Variants in HEMK1 observed in about 807,000 individuals in gnomAD.
HEMK1 encodes HemK methyltransferase 1, mitochondrial release factors N(5)-glutamine, also known as MTRF1L release factor glutamine methyltransferase.
Under a neutral mutation model 47.9 loss-of-function variants are expected in HEMK1, and 36 were observed. The ratio of observed to expected loss-of-function variants is 0.75; its 90% CI spans 0.58 to 0.99. The LOEUF (loss-of-function observed/expected upper bound fraction) is 0.99. Ranked by LOEUF, HEMK1 falls within the 50% of genes least tolerant of loss-of-function variation. HEMK1 has a pLI of 0.00. For synonymous variants in HEMK1, 153 were observed against 165.4 expected (o/e 0.93, Z 0.57); for missense variants, 383 against 434.5 (o/e 0.88, Z 1.05).
chr3:50,577,423 G>A (rs1284926259), intron 5 of HEMK1, 86 bp from the exon 6 acceptor site: 1 of 1,317,098 alleles, frequency 7.6e-7, no homozygotes, highest in Non-Finnish European at 1.1e-6. Flanking sequence ...TCTGGTGGGG[G>A]GTTGGAGGAG....
rs2031040110 is a variant in HEMK1, at chr3:50,583,383, G to A, written c.*2966G>A. 1 of 152,168 alleles carries A rather than the reference G, an allele frequency of 6.6e-6. No homozygotes were observed. Among genetic ancestry groups the A allele is most frequent in the Non-Finnish European group, 1.5e-5 (1 of 68,062 alleles). 9.4% of individuals were successfully genotyped at this position (152,168 alleles called of 1,614,324 possible). Reference sequence around the variant, plus strand: ...CAATCCTTGCCCCAAACACTTAGCTGGCTCCCCATGACTTAAGTGTGTTCT... The same window carrying A: ...CAATCCTTGCCCCAAACACTTAGCTAGCTCCCCATGACTTAAGTGTGTTCT... On this transcript the variant is annotated 3_prime_UTR_variant, in exon 11 of 11. Coordinates refer to ENST00000232854, the MANE Select transcript of HEMK1 (RefSeq NM_016173.5).
chr3:50,577,117 C>T lies in HEMK1; in HGVS notation c.480C>T (p.Ser160=), dbSNP rs369125363. The T allele has an allele frequency of 1.7e-5, 28 of 1,613,668 alleles. No individual in the cohort carries two copies. Among genetic ancestry groups the T allele is most frequent in the African/African-American group, 2.7e-5 (2 of 74,918 alleles). The change falls in exon 5 of 11, where the codon AGC becomes AGT. Residue 160 remains serine (S), a synonymous_variant. Coordinates refer to ENST00000232854, the MANE Select transcript of HEMK1 (RefSeq NM_016173.5). ...QRSHAVGSPG[S]PLILEVGCGS... is the part of the protein sequence containing the mutation. ...CCCATGCTGTGGGATCCCCAGGCAGCCCCCTCATTCTGGAGGTGGGCTGCG... is the reference window on the plus strand; with the variant it reads ...CCCATGCTGTGGGATCCCCAGGCAGTCCCCTCATTCTGGAGGTGGGCTGCG...
In HEMK1 at chr3:50,596,144, T is replaced by C. The variant is rs1459531684; in HGVS notation, c.*15727T>C. ...GTATCACAAACATACAAGTGATCAA[T>C]TTCCAATAAATTGATTAAAGAATTC... On this transcript the variant is annotated 3_prime_UTR_variant, in exon 11 of 11. Coordinates refer to ENST00000232854, the MANE Select transcript of HEMK1 (RefSeq NM_016173.5). 3.9e-5 allele frequency: 6 copies of C among 152,198 alleles called. No individual in the cohort carries two copies. Among genetic ancestry groups the C allele is most frequent in the African/African-American group, 1.4e-4 (6 of 41,450 alleles). The allele number at this position is 152,198 out of a possible 1,614,324, so 9.4% of individuals were successfully genotyped here. A position where few individuals can be genotyped will look rare whatever the true frequency, so the allele number is the denominator to read the frequency against.
chr3:50,574,605 C>A (rs1370166686), intron 4 of HEMK1, among the ~76,000 whole-genome samples: 1 of 152,182 alleles, frequency 6.6e-6, no homozygotes. Context: ...ACACACCTGA[C>A]AACAACTGGT....
intron 4 of HEMK1, 45 bp from the exon 5 acceptor site, chr3:50,577,007 A>G (rs1380433019): frequency 6.2e-7 from 1 of 1,610,090 alleles, no homozygotes; most frequent in Non-Finnish European, 8.5e-7. Context: ...GACCCCCAGG[A>G]GCCACGTTGG....
In HEMK1 at chr3:50,594,188, A is replaced by G. The variant is rs2031854934; in HGVS notation, c.*13771A>G. The G allele has an allele frequency of 6.6e-6, 1 of 152,044 alleles. No individual in the cohort carries two copies. Among genetic ancestry groups the G allele is most frequent in the Non-Finnish European group, 1.5e-5 (1 of 68,004 alleles). 9.4% of individuals were successfully genotyped at this position (152,044 alleles called of 1,614,324 possible). A position where few individuals can be genotyped will look rare whatever the true frequency, so the allele number is the denominator to read the frequency against. On this transcript the variant is annotated 3_prime_UTR_variant, in exon 11 of 11. Transcript: ENST00000232854. ...TCCCTCCCTGTCAAGTGCACTTGCT[A>G]TTGATTTTGGATAGATGGCCCTTTT...
At chr3:50,580,313 G>C in intron 10 of HEMK1, 68 bp from the exon 11 acceptor site, 1 of 1,607,472 alleles carries the variant, frequency 6.2e-7, no homozygotes, top group Non-Finnish European at 8.5e-7. Flanking sequence ...AGGAGAGTGT[G>C]CTGTTCCCAC....
chr3:50,590,851 C>T lies in HEMK1; in HGVS notation c.*10434C>T, dbSNP rs1270960517. On this transcript the variant is annotated 3_prime_UTR_variant, in exon 11 of 11. Coordinates refer to ENST00000232854, the MANE Select transcript of HEMK1 (RefSeq NM_016173.5). Reference sequence around the variant, plus strand: ...TTACCCAGGCCCTTGGTGGTGCCTCCAAGGGTGGAAAGACTGGGGGACCCT... The same window carrying T: ...TTACCCAGGCCCTTGGTGGTGCCTCTAAGGGTGGAAAGACTGGGGGACCCT... The T allele has an allele frequency of 6.6e-6, 1 of 152,182 alleles. No homozygotes were observed. Among genetic ancestry groups the T allele is most frequent in the Non-Finnish European group, 1.5e-5 (1 of 68,042 alleles). The allele number at this position is 152,182 out of a possible 1,614,324, so 9.4% of individuals were successfully genotyped here. A position where few individuals can be genotyped will look rare whatever the true frequency, so the allele number is the denominator to read the frequency against.
chr3:50,586,609 G>A lies in HEMK1; in HGVS notation c.*6192G>A, dbSNP rs2031382374. On this transcript the variant is annotated 3_prime_UTR_variant, in exon 11 of 11. Transcript: ENST00000232854. Reference sequence around the variant, plus strand: ...TTCTGGGGCATGTGGCTGGGGAAATGGTGGGATCAGATATCCCCTACTGAG... The same window carrying A: ...TTCTGGGGCATGTGGCTGGGGAAATAGTGGGATCAGATATCCCCTACTGAG... The A allele has an allele frequency of 6.6e-6, 1 of 152,342 alleles. No individual in the cohort carries two copies. Among genetic ancestry groups the A allele is most frequent in the African/African-American group, 2.4e-5 (1 of 41,444 alleles). The allele number at this position is 152,342 out of a possible 1,614,324, so 9.4% of individuals were successfully genotyped here. A position where few individuals can be genotyped will look rare whatever the true frequency, so the allele number is the denominator to read the frequency against.
At chr3:50,572,231 G>A in intron 4 of HEMK1, 23 bp downstream of exon 4, 3 of 1,603,712 alleles carry the variant, frequency 1.9e-6, no homozygotes, top group Non-Finnish European at 2.6e-6. Context: ...CCAGGGCAAG[G>A]CAGGATCAGG....
At chr3:50,579,727 C>T (rs1400926988) in intron 8 of HEMK1, 117 bp from the exon 9 acceptor site, 15 of 738,942 alleles carry the variant, frequency 2.0e-5, no homozygotes, top group Admixed American at 5.1e-5. Flanking sequence ...CAGATTTGCC[C>T]TTCAGCCCAG....
rs1173532456 is a variant in HEMK1 at position 50,583,524 on chromosome 3, A to G, written c.*3107A>G. Reference sequence around the variant, plus strand: ...TCTGAGTAGGCTGTCATCAGAACAAAGGGCTCCACTGCTGACAAGGTTTGA... The same window carrying G: ...TCTGAGTAGGCTGTCATCAGAACAAGGGGCTCCACTGCTGACAAGGTTTGA... On this transcript the variant is annotated 3_prime_UTR_variant, in exon 11 of 11. Coordinates refer to ENST00000232854, the MANE Select transcript of HEMK1 (RefSeq NM_016173.5). 2.0e-5 allele frequency: 3 copies of G among 152,280 alleles called. No individual in the cohort carries two copies. Among genetic ancestry groups the G allele is most frequent in the Non-Finnish European group, 4.4e-5 (3 of 68,084 alleles). The allele number at this position is 152,280 out of a possible 1,614,324, so 9.4% of individuals were successfully genotyped here. A position where few individuals can be genotyped will look rare whatever the true frequency, so the allele number is the denominator to read the frequency against.
rs559400811 is a variant in HEMK1, at chr3:50,588,497, G to A, written c.*8080G>A. 4 of 152,368 alleles carry A rather than the reference G, an allele frequency of 2.6e-5. No homozygotes were observed. Among genetic ancestry groups the A allele is most frequent in the Non-Finnish European group, 5.9e-5 (4 of 68,050 alleles). The allele number at this position is 152,368 out of a possible 1,614,324, so 9.4% of individuals were successfully genotyped here. ...GCCCCACAGCCAACGTGGGCTCCAG[G>A]GTGAAGGGGAAAGTGATGAATCAAA... On this transcript the variant is annotated 3_prime_UTR_variant, in exon 11 of 11. Coordinates refer to ENST00000232854, the MANE Select transcript of HEMK1 (RefSeq NM_016173.5).
chr3:50,580,103 C>T lies in HEMK1; in HGVS notation c.867-13C>T. 6.2e-7 allele frequency: 1 copy of T among 1,609,396 alleles called. No homozygotes were observed. The highest frequency in any genetic ancestry group is 8.5e-7 in the Non-Finnish European group (1 of 1,175,720). On this transcript the variant is annotated splice_polypyrimidine_tract_variant and intron_variant, in intron 9 of 10. Transcript: ENST00000232854. The stretch of plus-strand genomic sequence containing the variant: ...CCTGTCCTGCTGAGCCCACCCATTT[C>T]TCCCCCATGTAGTAGTATCTTCTTA...
rs1036110213 is a variant in HEMK1 at position 50,590,692 on chromosome 3, TC to T, written c.*10278del. The stretch of plus-strand genomic sequence containing the variant: ...TGCTCCAGCCCCCATAGCCTGAGGC[TC>T]CCGGCACCTCCCACCCAGCATCTGT... On this transcript the variant is annotated 3_prime_UTR_variant, in exon 11 of 11. Coordinates refer to ENST00000232854, the MANE Select transcript of HEMK1 (RefSeq NM_016173.5). The T allele has an allele frequency of 2.0e-5, 3 of 152,132 alleles. No homozygotes were observed. The highest frequency in any genetic ancestry group is 4.4e-5 in the Non-Finnish European group (3 of 68,042). The allele number at this position is 152,132 out of a possible 1,614,324, so 9.4% of individuals were successfully genotyped here.
intron 4 of HEMK1, among the ~76,000 whole-genome samples, chr3:50,574,409 C>T (rs1185530366): frequency 1.3e-5 from 2 of 152,176 alleles, no homozygotes; most frequent in Non-Finnish European, 2.9e-5. Context: ...AACAAGAGGC[C>T]ACTAGTGGTG....
Position 50,571,128 on chromosome 3 carries a change from G to T in HEMK1, c.24G>T (p.Leu8=), listed in dbSNP as rs985188085. The change falls in exon 2 of 11, where the codon CTG becomes CTT. Residue 8 remains leucine (L), a synonymous_variant. Coordinates refer to ENST00000232854, the MANE Select transcript of HEMK1 (RefSeq NM_016173.5). ...ACATGGAGCTTTGGGGCCGAATGCT[G>T]TGGGCCCTCCTGTCTGGCCCAGGGA... The part of the protein sequence containing the change: MELWGRM[L]WALLSGPGRR... 30 of 1,605,058 alleles carry T rather than the reference G, an allele frequency of 1.9e-5. No individual in the cohort carries two copies. Among genetic ancestry groups the T allele is most frequent in the Non-Finnish European group, 2.2e-5 (26 of 1,175,900 alleles).
In HEMK1 at chr3:50,593,515, T is replaced by C. The variant is rs150013536; in HGVS notation, c.*13098T>C. The C allele has an allele frequency of 3.3e-5, 5 of 152,304 alleles. No homozygotes were observed. In the East Asian group the frequency reaches 9.7e-4, roughly 29 times the overall value. The allele number at this position is 152,304 out of a possible 1,614,324, so 9.4% of individuals were successfully genotyped here. ...CATGGAAGGTTCACTTTCCTGCTTATCTAGTCTCAGATGTTACAGTTTTTC... is the reference window on the plus strand; with the variant it reads ...CATGGAAGGTTCACTTTCCTGCTTACCTAGTCTCAGATGTTACAGTTTTTC... On this transcript the variant is annotated 3_prime_UTR_variant, in exon 11 of 11. Transcript: ENST00000232854.
Position 50,573,264 on chromosome 3 carries a change from C to G in HEMK1, c.414+1056C>G, listed in dbSNP as rs901136966. ...CTTCCTGACTCCCAGCTCAGAGCCCCATCCCTCACATGGGGCTGCCCCATC... is the reference window on the plus strand; with the variant it reads ...CTTCCTGACTCCCAGCTCAGAGCCCGATCCCTCACATGGGGCTGCCCCATC... On this transcript the variant is annotated intron_variant, in intron 4 of 10. Transcript: ENST00000232854. Among the ~76,000 whole-genome samples, 3 of 152,294 alleles carry G rather than the reference C, an allele frequency of 2.0e-5. No individual in the cohort carries two copies. In the South Asian group the frequency reaches 6.2e-4, roughly 32 times the overall value.
Sources: allele counts gnomAD v4.1 joint callset (sites outside exome capture counted in the v4.1 genomes callset), GRCh38; gene constraint gnomAD v4.1.1; transcripts MANE v1.5; gene names NCBI Gene and HGNC (gene_info 2026-07-23, HGNC 2026-07-21).